RAD51B: variants seen among roughly 807,000 people sequenced by gnomAD.
RAD51B encodes RAD51 paralog B, also known as DNA repair protein RAD51 homolog 2.
In RAD51B, 38 loss-of-function variants were observed where a neutral mutation model predicts 42.2. That is an observed-to-expected ratio of 0.90 (90% CI 0.70 to 1.18). RAD51B has a LOEUF of 1.18. Ranked by LOEUF, RAD51B falls within the 50% of genes most tolerant of loss-of-function variation. The pLI, the probability that RAD51B is intolerant of heterozygous loss-of-function variation, is 0.00. For synonymous variants in RAD51B, 154 were observed against 145.2 expected, an observed-to-expected ratio of 1.06 and a Z score of -0.43; for missense variants, 373 against 400.7, an observed-to-expected ratio of 0.93 and a Z score of 0.59.
At chr14:67,984,413 A>G (rs1215234978) in intron 7 of RAD51B, among the ~76,000 whole-genome samples, 2 of 151,942 alleles carry the variant, frequency 1.3e-5, no homozygotes, top group African/African-American at 4.8e-5. Context: ...AACCCTCCTA[A>G]CCTTTCAAAG....
rs71129863 is a variant in RAD51B, at chr14:67,893,509, C to CAAAA, written c.756+6311_756+6314dup. On this transcript the variant is annotated intron_variant, in intron 7 of 10. Coordinates refer to ENST00000471583, the MANE Select transcript of RAD51B (RefSeq NM_133510.4). ...ACACACACACACACACACACACACA[C>CAAAA]AAAAAAAAACAATTAGCTGGGTGTG... Among the ~76,000 whole-genome samples the CAAAA allele has an allele frequency of 1.3e-4, 11 of 83,768 alleles. 1 individual carries two copies. The highest frequency in any genetic ancestry group is 3.8e-4 in the Admixed American group (3 of 7,808). 55.0% of individuals were successfully genotyped at this position (83,768 alleles called of 152,430 possible). A position where few individuals can be genotyped will look rare whatever the true frequency, so the allele number is the denominator to read the frequency against.
intron 10 of RAD51B, among the ~76,000 whole-genome samples, chr14:68,607,276 G>T (rs745511071): frequency 1.3e-5 from 2 of 152,168 alleles, no homozygotes; most frequent in African/African-American, 2.4e-5. Context: ...GCTCTCCATT[G>T]GTCCCAGCTT....
intron 7 of RAD51B, among the ~76,000 whole-genome samples, chr14:68,139,612 AC>A (rs1321325912): frequency 6.6e-6 from 1 of 152,154 alleles, no homozygotes; most frequent in Non-Finnish European, 1.5e-5. Flanking sequence ...CCACTGCCTC[AC>A]TCTTAGCAGA....
chr14:68,649,410 T>G (rs935059003), intron 10 of RAD51B, among the ~76,000 whole-genome samples: 4 of 152,208 alleles, frequency 2.6e-5, no homozygotes, highest in African/African-American at 9.6e-5. Context: ...CTCTGCTCCA[T>G]TCTCTACTCC....
chr14:68,421,939 C>T lies in RAD51B; in HGVS notation c.957+10412C>T, dbSNP rs117125455. The T allele has an allele frequency of 3.6e-3, 5,701 of 1,566,844 alleles. 186 individuals are homozygous for T. The Admixed American group carries it at 0.07, about 19-fold the overall frequency. On this transcript the variant is annotated intron_variant, in intron 9 of 10. Coordinates refer to ENST00000471583, the MANE Select transcript of RAD51B (RefSeq NM_133510.4). ...CCTGTATGCTTTAGGATGAAGTTCT[C>T]ATTTTCAAATTTCTCCGTGTAGATG...
intron 2 of RAD51B, among the ~76,000 whole-genome samples, chr14:67,824,867 A>G (rs2040760531): frequency 6.6e-6 from 1 of 151,708 alleles, no homozygotes; most frequent in Non-Finnish European, 1.5e-5. Context: ...TCATGAGGTC[A>G]GGAGTTCGAG....
chr14:67,900,733 A>G (rs186909443), intron 7 of RAD51B, among the ~76,000 whole-genome samples: 7 of 152,052 alleles, frequency 4.6e-5, no homozygotes, highest in Admixed American at 1.3e-4. Flanking sequence ...AAAGTACAGT[A>G]TTTTAAAGAA....
intron 7 of RAD51B, among the ~76,000 whole-genome samples, chr14:68,226,092 A>G (rs988243165): frequency 6.6e-6 from 1 of 152,160 alleles, no homozygotes; most frequent in Non-Finnish European, 1.5e-5. Context: ...AAGTACACCA[A>G]TCAAGTCACG....
At chr14:68,615,351 C>CTT (rs528170840), downstream of RAD51B, among the ~76,000 whole-genome samples, 2 of 145,744 alleles carry the variant, frequency 1.4e-5, no homozygotes. Flanking sequence ...TTAAATTTTT[C>CTT]TTTTTTTTTT....
At chr14:68,435,816 G>A (rs1205413573) in intron 9 of RAD51B, among the ~76,000 whole-genome samples, 1 of 151,984 alleles carries the variant, frequency 6.6e-6, no homozygotes, top group Non-Finnish European at 1.5e-5. Flanking sequence ...GGCTACCTGT[G>A]TATCTTCTTT....
intron 7 of RAD51B, among the ~76,000 whole-genome samples, chr14:68,079,723 T>G (rs1006819535): frequency 6.6e-6 from 1 of 152,228 alleles, no homozygotes; most frequent in Non-Finnish European, 1.5e-5. Context: ...TTAAAGTATA[T>G]ATTTTTTCTC....
chr14:68,021,782 T>G (rs2075871312), intron 7 of RAD51B, among the ~76,000 whole-genome samples: 1 of 152,218 alleles, frequency 6.6e-6, no homozygotes, highest in African/African-American at 2.4e-5. Flanking sequence ...GGTAGTCTAC[T>G]AAGTGTATCA....
intron 4 of RAD51B, among the ~76,000 whole-genome samples, chr14:67,854,994 A>G (rs2041941167): frequency 6.6e-6 from 1 of 152,194 alleles, no homozygotes; most frequent in African/African-American, 2.4e-5. Flanking sequence ...AATATAATCT[A>G]GAGTACAGGA....
Position 68,540,311 on chromosome 14 carries a change from A to G in RAD51B, c.1037-54174A>G, listed in dbSNP as rs183630273. On this transcript the variant is annotated intron_variant, in intron 10 of 10. Transcript: ENST00000487270. ...ACTCTACTGCAGACCACACCACAAC[A>G]CTGTTGGATCATCAGACCTCTTCTA... is the stretch of plus-strand genomic sequence containing the variant. 2.4e-5 allele frequency: 25 copies of G among 1,044,904 alleles called. No homozygotes were observed. The Middle Eastern group carries it at 1.8e-3, about 74-fold the overall frequency. The allele number at this position is 1,044,904 out of a possible 1,614,324, so 64.7% of individuals were successfully genotyped here. A position where few individuals can be genotyped will look rare whatever the true frequency, so the allele number is the denominator to read the frequency against.
downstream of RAD51B, among the ~76,000 whole-genome samples, chr14:68,598,735 C>T (rs1249584998): frequency 1.3e-5 from 2 of 152,178 alleles, no homozygotes; most frequent in East Asian, 1.9e-4. Context: ...CTCCAGAAGA[C>T]GGAGGCGGGG....
chr14:68,156,340 A>T (rs1460910008), intron 7 of RAD51B, among the ~76,000 whole-genome samples: 1 of 152,154 alleles, frequency 6.6e-6, no homozygotes, highest in Non-Finnish European at 1.5e-5. Flanking sequence ...TTTTGCTATA[A>T]CATTGTTATT....
downstream of RAD51B, among the ~76,000 whole-genome samples, chr14:68,598,454 A>AG (rs753019265): frequency 1.0e-3 from 153 of 152,230 alleles, no homozygotes; most frequent in Non-Finnish European, 2.0e-3. Context: ...AAAATCGCAG[A>AG]GTGTCTAATA....
Position 68,647,432 on chromosome 14 carries a change from A to C in RAD51B, c.1037-3349A>C, listed in dbSNP as rs535997194. Among the ~76,000 whole-genome samples, 276 of 152,316 alleles carry C rather than the reference A, an allele frequency of 1.8e-3. 12 individuals carry two copies. In the South Asian group the frequency reaches 0.055, roughly 31 times the overall value. On this transcript the variant is annotated intron_variant, in intron 10 of 11. Transcript: ENST00000488612. ...AGAGGTATTTTTGTATTTAAAAAGT[A>C]ATAGTCTCTTCTTATTTTTCTAAGA...
chr14:68,446,011 A>G (rs1015658250), intron 9 of RAD51B, among the ~76,000 whole-genome samples: 4 of 152,232 alleles, frequency 2.6e-5, no homozygotes, highest in African/African-American at 9.6e-5. Context: ...CGTCTAAATT[A>G]TAGCTATGCA....
Sources: allele counts gnomAD v4.1 joint callset (sites outside exome capture counted in the v4.1 genomes callset), GRCh38; gene constraint gnomAD v4.1.1; transcripts MANE v1.5; gene names NCBI Gene and HGNC (gene_info 2026-07-23, HGNC 2026-07-21).